Variants in GADL1 observed in about 807,000 individuals in gnomAD.
GADL1 encodes acidic amino acid decarboxylase GADL1.
GADL1 carries 71 observed loss-of-function variants against 69.5 expected under a neutral mutation model. That is an observed-to-expected ratio of 1.02 (90% CI 0.84 to 1.25). GADL1 has a LOEUF of 1.25. Among genes scored for constraint, GADL1 ranks in the 50% most tolerant of loss-of-function variants. The pLI is 0.00. For synonymous variants in GADL1, 254 were observed against 214.4 expected (o/e 1.18, Z -1.62); for missense variants, 737 against 631.8 (o/e 1.17, Z -1.79).
chr3:30,825,684 G>GA (rs201880854), intron 11 of GADL1, among the ~76,000 whole-genome samples: 1 of 148,078 alleles, frequency 6.8e-6, no homozygotes, highest in Non-Finnish European at 1.5e-5. Context: ...GAAAACCAAC[G>GA]CTGCAGGTTC....
At chr3:30,739,501 TAC>T (rs1210917786) in intron 14 of GADL1, among the ~76,000 whole-genome samples, 1 of 152,230 alleles carries the variant, frequency 6.6e-6, no homozygotes, top group East Asian at 1.9e-4. Flanking sequence ...TTTGTTTGAA[TAC>T]AGTTGTTCAT....
chr3:30,847,580 G>T (rs1208487645), intron 6 of GADL1, among the ~76,000 whole-genome samples: 2 of 152,204 alleles, frequency 1.3e-5, no homozygotes, highest in Non-Finnish European at 2.9e-5. Context: ...TAGTGCAAAT[G>T]CTATAACCTG....
chr3:30,875,563 G>C (rs1323800504), intron 1 of GADL1, among the ~76,000 whole-genome samples: 1 of 151,862 alleles, frequency 6.6e-6, no homozygotes, highest in African/African-American at 2.4e-5. Context: ...AGTCATGCAG[G>C]CCAGGATAAT....
chr3:30,810,400 TAC>T (rs1697326962), intron 11 of GADL1, among the ~76,000 whole-genome samples: 1 of 152,038 alleles, frequency 6.6e-6, no homozygotes. Flanking sequence ...GACAGACAGA[TAC>T]ATAGGTAGAT....
At chr3:30,751,427 G>A (rs1575183668) in intron 14 of GADL1, among the ~76,000 whole-genome samples, 1 of 150,444 alleles carries the variant, frequency 6.6e-6, no homozygotes, top group East Asian at 2.0e-4. Context: ...CTGTTGCTTT[G>A]TCTTTCATTG....
intron 11 of GADL1, among the ~76,000 whole-genome samples, chr3:30,809,595 A>G (rs534037411): frequency 5.3e-5 from 8 of 152,274 alleles, no homozygotes; most frequent in African/African-American, 1.4e-4. Context: ...TCACCTATAG[A>G]TCAATCTCCA....
At chr3:30,838,064 T>C (rs1697901930) in intron 9 of GADL1, among the ~76,000 whole-genome samples, 1 of 152,150 alleles carries the variant, frequency 6.6e-6, no homozygotes, top group Non-Finnish European at 1.5e-5. Flanking sequence ...TCATCTAAAC[T>C]ACAAAATTAT....
chr3:30,771,010 T>TAA (rs1226650423), intron 14 of GADL1, among the ~76,000 whole-genome samples: 3 of 152,188 alleles, frequency 2.0e-5, no homozygotes, highest in African/African-American at 7.2e-5. Context: ...AAGATGCTAT[T>TAA]AAATACAAAG....
intron 1 of GADL1, among the ~76,000 whole-genome samples, chr3:30,867,059 C>T (rs936317195): frequency 4.6e-5 from 7 of 151,968 alleles, no homozygotes; most frequent in Admixed American, 3.9e-4. Flanking sequence ...ATAATACAAC[C>T]TCTCTGTGCC....
At chr3:30,762,517 T>G (rs1247719103) in intron 14 of GADL1, among the ~76,000 whole-genome samples, 1 of 152,140 alleles carries the variant, frequency 6.6e-6, no homozygotes, top group Non-Finnish European at 1.5e-5. Flanking sequence ...TGTATATAAT[T>G]CTGGGGGTAC....
At chr3:30,763,778 T>TTATA (rs35331098) in intron 14 of GADL1, among the ~76,000 whole-genome samples, 66,627 of 151,616 alleles carry the variant, frequency 0.44, 14,631 homozygotes, top group African/African-American at 0.46. Flanking sequence ...GACCATATCT[T>TTATA]TATCTATCTC....
chr3:30,758,132 C>A (rs994527067), intron 14 of GADL1, among the ~76,000 whole-genome samples: 1 of 152,126 alleles, frequency 6.6e-6, no homozygotes. Context: ...CTGGATGATA[C>A]CAAACTACTC....
chr3:30,765,211 A>G (rs189295370), intron 14 of GADL1, among the ~76,000 whole-genome samples: 2 of 152,238 alleles, frequency 1.3e-5, no homozygotes, highest in East Asian at 3.9e-4. Context: ...CTTATCCCGA[A>G]TTCCCCACAT....
At position 30,865,842 on chromosome 3, in the gene GADL1, T is replaced by C. The variant is rs1433703168; in HGVS notation, c.38-4077A>G. ...GTCAGCGCACGGACCACAGGCTCACTCCAGAAACCACACTTCCAAATTTGA... is the reference window on the plus strand; with the variant it reads ...GTCAGCGCACGGACCACAGGCTCACCCCAGAAACCACACTTCCAAATTTGA... On this transcript the variant is annotated intron_variant, in intron 1 of 14. Coordinates refer to ENST00000282538, the MANE Select transcript of GADL1 (RefSeq NM_207359.3). Among the ~76,000 whole-genome samples, 3 of 152,106 alleles carry C rather than the reference T, an allele frequency of 2.0e-5. No homozygotes were observed. In the East Asian group the frequency reaches 5.8e-4, roughly 30 times the overall value.
chr3:30,845,068 C>T (rs1698032531), intron 6 of GADL1, among the ~76,000 whole-genome samples: 1 of 152,140 alleles, frequency 6.6e-6, no homozygotes, highest in Non-Finnish European at 1.5e-5. Context: ...AAGTGCTGAT[C>T]AGACACTTGA....
At chr3:30,752,218 C>T (rs142270909) in intron 14 of GADL1, among the ~76,000 whole-genome samples, 10 of 152,256 alleles carry the variant, frequency 6.6e-5, no homozygotes, top group Admixed American at 2.6e-4. Context: ...TTTTCGACAG[C>T]TTTTCCTTTT....
chr3:30,799,188 G>A (rs1478947451), intron 12 of GADL1: 2 of 152,240 alleles, frequency 1.3e-5, no homozygotes, highest in Non-Finnish European at 2.9e-5. Context: ...CTTCCACACT[G>A]CCCTAGCAGA....
At chr3:30,794,018 A>G (rs1051903303) in intron 12 of GADL1, among the ~76,000 whole-genome samples, 1 of 152,214 alleles carries the variant, frequency 6.6e-6, no homozygotes, top group African/African-American at 2.4e-5. Flanking sequence ...TGTAACTTTT[A>G]AAAAGATCAC....
intron 14 of GADL1, among the ~76,000 whole-genome samples, chr3:30,755,662 T>A (rs1695950741): frequency 1.3e-5 from 2 of 152,320 alleles, no homozygotes; most frequent in South Asian, 2.1e-4. Context: ...AATCCCCTGT[T>A]AGACTATAAA....
Sources: gnomAD v4.1 joint callset for allele counts (sites outside exome capture counted in the v4.1 genomes callset) on GRCh38, gnomAD v4.1.1 for gene constraint, MANE v1.5 for transcripts, NCBI Gene and HGNC (gene_info 2026-07-23, HGNC 2026-07-21) for gene names.